MYO16: variants seen among roughly 807,000 people sequenced by gnomAD.
MYO16 encodes the protein unconventional myosin-XVI.
MYO16 carries 94 observed loss-of-function variants against 205.3 expected under a neutral mutation model. The ratio of observed to expected loss-of-function variants is 0.46; its 90% CI spans 0.39 to 0.54. The LOEUF is 0.54. Among genes scored for constraint, MYO16 ranks in the 20% least tolerant of loss-of-function variants. The pLI, the probability that MYO16 is intolerant of heterozygous loss-of-function variation, is 0.00. For synonymous variants in MYO16, 988 were observed against 954.0 expected (o/e 1.04, Z -0.66); for missense variants, 2,315 against 2,387.5 (o/e 0.97, Z 0.63).
chr13:109,052,361 C>G lies in MYO16; in HGVS notation c.2934C>G (p.Leu978=). 6.2e-7 allele frequency: 1 copy of G among 1,613,006 alleles called. No individual in the cohort carries two copies. Among genetic ancestry groups the G allele is most frequent in the Non-Finnish European group, 8.5e-7 (1 of 1,179,142 alleles). The change falls in exon 25 of 35, where the codon CTC becomes CTG. Residue 978 remains leucine (L), a synonymous_variant. Transcript: ENST00000457511. ...FQSKLSQTGS[L]VSAYPSFKFR... is the part of the protein sequence containing the mutation. ...CGAAATTGTCACAAACAGGATCCCT[C>G]GTATCTGCCTATCCTTCCTTTAAAT...
intron 4 of MYO16, among the ~76,000 whole-genome samples, chr13:108,751,654 G>A (rs974538563): frequency 5.9e-5 from 9 of 152,026 alleles, no homozygotes; most frequent in African/African-American, 2.2e-4. Context: ...TAAAGACTAC[G>A]TCAGTCAAGT....
chr13:109,128,528 CA>C (rs1364184931), intron 31 of MYO16, among the ~76,000 whole-genome samples: 1 of 151,680 alleles, frequency 6.6e-6, no homozygotes, highest in East Asian at 1.9e-4. Flanking sequence ...TGACTGACAC[CA>C]AGAAGATAAT....
At chr13:108,594,128 C>T (rs566031243), upstream of MYO16, among the ~76,000 whole-genome samples, 2 of 152,330 alleles carry the variant, frequency 1.3e-5, no homozygotes, top group South Asian at 4.1e-4. Context: ...GCTTCTTGAC[C>T]AATTACAGCC....
At chr13:108,826,999 G>T (rs190057097) in intron 9 of MYO16, among the ~76,000 whole-genome samples, 44 of 152,202 alleles carry the variant, frequency 2.9e-4, no homozygotes, top group Middle Eastern at 3.4e-3. Flanking sequence ...TTGAACGTAG[G>T]TTTACCACGT....
chr13:109,101,189 C>G, intron 28 of MYO16: 1 of 253,522 alleles, frequency 3.9e-6, no homozygotes, highest in Non-Finnish European at 7.9e-6. Context: ...AGCATTTTGT[C>G]ATATTTACCC....
chr13:108,991,372 G>GA (rs1016453511), intron 20 of MYO16, among the ~76,000 whole-genome samples: 9 of 151,734 alleles, frequency 5.9e-5, no homozygotes, highest in Admixed American at 1.3e-4. Context: ...AGTTCACATT[G>GA]AAAAAAAAGA....
At chr13:109,036,689 G>T (rs186669770) in intron 23 of MYO16, among the ~76,000 whole-genome samples, 1 of 152,268 alleles carries the variant, frequency 6.6e-6, no homozygotes, top group East Asian at 1.9e-4. Flanking sequence ...TTTCCTTAAA[G>T]ATCCATATTG....
intron 34 of MYO16, among the ~76,000 whole-genome samples, chr13:109,197,404 T>A (rs931738571): frequency 3.3e-5 from 5 of 151,594 alleles, no homozygotes; most frequent in Admixed American, 2.6e-4. Context: ...ACCCCCAAGG[T>A]TTTTTTTTAA....
intron 3 of MYO16, among the ~76,000 whole-genome samples, chr13:108,725,335 G>C (rs1884302625): frequency 6.6e-6 from 1 of 151,708 alleles, no homozygotes; most frequent in Non-Finnish European, 1.5e-5. Context: ...TTGTATACTT[G>C]GCAATTTTTT....
chr13:108,979,798 G>A (rs1258696343), intron 20 of MYO16, among the ~76,000 whole-genome samples: 1 of 151,862 alleles, frequency 6.6e-6, no homozygotes, highest in Non-Finnish European at 1.5e-5. Context: ...GAAGAATATA[G>A]AGGAACAAAA....
intron 7 of MYO16, among the ~76,000 whole-genome samples, chr13:108,816,011 T>C (rs1875573498): frequency 6.6e-6 from 1 of 152,150 alleles, no homozygotes; most frequent in Admixed American, 6.6e-5. Context: ...AACAAGCCAG[T>C]TGATTTCCTA....
chr13:108,725,892 G>A (rs1296934485), intron 3 of MYO16, among the ~76,000 whole-genome samples: 1 of 152,170 alleles, frequency 6.6e-6, no homozygotes, highest in African/African-American at 2.4e-5. Flanking sequence ...CAAGGTAGGA[G>A]GCTGGAACAG....
intron 15 of MYO16, among the ~76,000 whole-genome samples, chr13:108,908,846 A>T (rs1216317120): frequency 6.6e-6 from 1 of 151,846 alleles, no homozygotes; most frequent in Non-Finnish European, 1.5e-5. Context: ...GGTGACACAC[A>T]CCTGTGGTCC....
At chr13:108,569,771 G>T in the MYO16 span, among the ~76,000 whole-genome samples, 1 of 152,094 alleles carries the variant, frequency 6.6e-6, no homozygotes, top group African/African-American at 2.4e-5. Context: ...TAGTATATTA[G>T]CTCTGGGTTT....
chr13:108,558,746 G>T, the MYO16 span, among the ~76,000 whole-genome samples: 3 of 152,208 alleles, frequency 2.0e-5, no homozygotes, highest in South Asian at 4.1e-4. Flanking sequence ...AAAGTCCAGG[G>T]TTATGACCTT....
chr13:108,501,720 T>C, the MYO16 span, among the ~76,000 whole-genome samples: 1 of 152,218 alleles, frequency 6.6e-6, no homozygotes, highest in African/African-American at 2.4e-5. Flanking sequence ...ACATGTCCTT[T>C]GCACGTTTAA....
chr13:108,969,002 C>T (rs77165333), intron 20 of MYO16, among the ~76,000 whole-genome samples: 1 of 152,336 alleles, frequency 6.6e-6, no homozygotes, highest in Non-Finnish European at 1.5e-5. Flanking sequence ...AGCATCTCCA[C>T]CTAGCACATG....
Position 108,806,772 on chromosome 13 carries a change from A to G in MYO16, c.835A>G (p.Thr279Ala). The part of the protein sequence containing the change: ...DLNIVDDQYW[T>A]PLHLAAKYGQ... The stretch of plus-strand genomic sequence containing the variant: ...CAACATAGTAGATGATCAGTACTGG[A>G]CTCCCCTCCACTTGGCAGCCAAATA... Residue 279 changes from threonine (T) to alanine (A), a missense_variant, in exon 7 of 35, where the codon ACT becomes GCT. Around this residue, in one of 3 missense-constraint regions of MYO16, gnomAD observed 1,213 missense variants for 1,274.4 expected, o/e 0.95. Transcript: ENST00000457511. 1 of 1,564,970 alleles carries G rather than the reference A, an allele frequency of 6.4e-7. No individual in the cohort carries two copies. Among genetic ancestry groups the G allele is most frequent in the Non-Finnish European group, 8.7e-7 (1 of 1,151,604 alleles).
chr13:108,772,216 G>A (rs74444367), intron 4 of MYO16, among the ~76,000 whole-genome samples: 12,117 of 152,054 alleles, frequency 0.08, 620 homozygotes, highest in Non-Finnish European at 0.12. Context: ...AGAAATAGCC[G>A]AGCATGGTGG....
Sources: allele counts gnomAD v4.1 joint callset (sites outside exome capture counted in the v4.1 genomes callset), GRCh38; gene constraint gnomAD v4.1.1; regional missense constraint gnomAD v4.1.1; transcripts MANE v1.5; gene names NCBI Gene and HGNC (gene_info 2026-07-23, HGNC 2026-07-21).